NALCN: variants seen among roughly 807,000 people sequenced by gnomAD.
The protein encoded by NALCN is sodium leak channel NALCN.
A neutral mutation model predicts 225.3 loss-of-function variants in NALCN; 111 were observed. The observed-to-expected ratio is 0.49, with a 90% CI of 0.42 to 0.58. NALCN has a LOEUF of 0.58. Among genes scored for constraint, NALCN ranks in the 20% least tolerant of loss-of-function variants. The pLI, the probability that NALCN is intolerant of heterozygous loss-of-function variation, is 0.00. For missense variants in NALCN, 1,378 were observed against 2,202.4 expected, an observed-to-expected ratio of 0.63 and a Z score of 7.49; for synonymous variants, 764 against 769.0, an observed-to-expected ratio of 0.99 and a Z score of 0.11.
chr13:101,112,950 T>C (rs1036717825), intron 18 of NALCN, among the ~76,000 whole-genome samples: 2 of 152,126 alleles, frequency 1.3e-5, no homozygotes, highest in African/African-American at 2.4e-5. Flanking sequence ...TATTATATAG[T>C]AATACATTAT....
At chr13:101,369,463 G>A (rs2046477118) in intron 6 of NALCN, among the ~76,000 whole-genome samples, 2 of 152,122 alleles carry the variant, frequency 1.3e-5, no homozygotes, top group South Asian at 4.2e-4. Flanking sequence ...CAACTCTAGG[G>A]TCATGAGTTC....
At chr13:101,168,859 G>C (rs564785780) in intron 15 of NALCN, among the ~76,000 whole-genome samples, 1 of 151,996 alleles carries the variant, frequency 6.6e-6, no homozygotes, top group East Asian at 1.9e-4. Context: ...TCTTAGTGTC[G>C]AGAAAGCCAC....
chr13:101,366,974 C>T (rs2139384525), intron 6 of NALCN, among the ~76,000 whole-genome samples: 1 of 152,186 alleles, frequency 6.6e-6, no homozygotes, highest in East Asian at 1.9e-4. Context: ...CACCATTGTC[C>T]TCTCTACTTC....
At chr13:101,408,991 G>C (rs1456827422) in intron 1 of NALCN, among the ~76,000 whole-genome samples, 1 of 152,068 alleles carries the variant, frequency 6.6e-6, no homozygotes, top group Non-Finnish European at 1.5e-5. Flanking sequence ...TAAAACAGCA[G>C]GTTATTTTTC....
intron 7 of NALCN, among the ~76,000 whole-genome samples, chr13:101,320,676 G>C (rs780871838): frequency 6.6e-6 from 1 of 152,072 alleles, no homozygotes; most frequent in African/African-American, 2.4e-5. Context: ...CAGGTTCTTG[G>C]AATATGTCTC....
intron 39 of NALCN, among the ~76,000 whole-genome samples, chr13:101,066,308 CAAAA>C (rs72260451): frequency 1.6e-5 from 2 of 125,142 alleles, no homozygotes; most frequent in Non-Finnish European, 1.7e-5. Flanking sequence ...GACTCCATCT[CAAAA>C]AAAAAAAAAA....
At chr13:101,100,626 G>C (rs1410438678) in intron 27 of NALCN, among the ~76,000 whole-genome samples, 158 bp downstream of exon 27, 2 of 151,802 alleles carry the variant, frequency 1.3e-5, no homozygotes, top group Non-Finnish European at 2.9e-5. Context: ...TGTTGCCCAG[G>C]TTGGAGTACA....
chr13:101,389,725 G>C (rs1197931749), intron 3 of NALCN, among the ~76,000 whole-genome samples: 2 of 152,188 alleles, frequency 1.3e-5, no homozygotes, highest in Non-Finnish European at 2.9e-5. Context: ...ACAACAAGAA[G>C]AACAACCAAA....
chr13:101,361,862 T>G (rs2046260838), intron 6 of NALCN, among the ~76,000 whole-genome samples: 1 of 152,138 alleles, frequency 6.6e-6, no homozygotes, highest in African/African-American at 2.4e-5. Context: ...TTACATTTCT[T>G]TTAGACCCCC....
chr13:101,279,822 A>C (rs2043096626), intron 10 of NALCN, among the ~76,000 whole-genome samples: 1 of 137,636 alleles, frequency 7.3e-6, no homozygotes. Flanking sequence ...GTCTCAAAAA[A>C]TAAATAAATA....
intron 17 of NALCN, among the ~76,000 whole-genome samples, chr13:101,126,001 G>A (rs2139705411): frequency 6.6e-6 from 1 of 152,304 alleles, no homozygotes; most frequent in Middle Eastern, 3.4e-3. Flanking sequence ...AGATCACCTA[G>A]TTAGTTTCTT....
At chr13:101,114,953 A>G (rs1042578976) in intron 18 of NALCN, among the ~76,000 whole-genome samples, 4 of 152,146 alleles carry the variant, frequency 2.6e-5, no homozygotes, top group Admixed American at 2.6e-4. Flanking sequence ...GCCATGCTCC[A>G]AAGAGCTCTA....
intron 7 of NALCN, among the ~76,000 whole-genome samples, chr13:101,331,918 G>T (rs1470992337): frequency 6.6e-6 from 1 of 152,176 alleles, no homozygotes; most frequent in East Asian, 1.9e-4. Context: ...TGTGTCTGGG[G>T]AGGCACTGCT....
chr13:101,153,041 C>T (rs2037729325), intron 15 of NALCN, among the ~76,000 whole-genome samples: 1 of 151,960 alleles, frequency 6.6e-6, no homozygotes, highest in African/African-American at 2.4e-5. Context: ...CACATACACT[C>T]CCATGTAATT....
In NALCN at chr13:101,067,901, A is replaced by G; in HGVS notation, c.4446+17T>C. 6.4e-7 allele frequency: 1 copy of G among 1,551,402 alleles called. No individual in the cohort carries two copies. Among genetic ancestry groups the G allele is most frequent in the Non-Finnish European group, 8.9e-7 (1 of 1,125,454 alleles). ...TCTCTTTGAGGTGAGGCATGAAACA[A>G]CAACCCACTCCCATACCTCTCTTTT... On this transcript the variant is annotated intron_variant, in intron 39 of 43. Transcript: ENST00000251127.
At chr13:101,348,403 C>T (rs1475477897) in intron 6 of NALCN, among the ~76,000 whole-genome samples, 1 of 152,164 alleles carries the variant, frequency 6.6e-6, no homozygotes, top group African/African-American at 2.4e-5. Context: ...ATGTTACCTA[C>T]TGTTATTGAC....
chr13:101,058,118 T>C (rs1437707402), intron 42 of NALCN, 62 bp from the exon 43 acceptor site: 4 of 1,407,146 alleles, frequency 2.8e-6, no homozygotes, highest in Non-Finnish European at 3.9e-6. Flanking sequence ...CTCCTTTTAC[T>C]ATAAGAAAGG....
intron 11 of NALCN, among the ~76,000 whole-genome samples, chr13:101,250,903 GA>G (rs915388621): frequency 6.6e-5 from 10 of 151,272 alleles, no homozygotes; most frequent in African/African-American, 2.2e-4. Flanking sequence ...GACAGAATAC[GA>G]AAAAAAGGTC....
At chr13:101,346,269 C>T (rs887017710) in intron 6 of NALCN, among the ~76,000 whole-genome samples, 21 of 151,862 alleles carry the variant, frequency 1.4e-4, no homozygotes, top group African/African-American at 2.4e-4. Flanking sequence ...ATCACCATTA[C>T]GGTTTTTGCC....
Sources: allele counts gnomAD v4.1 joint callset (sites outside exome capture counted in the v4.1 genomes callset), GRCh38; gene constraint gnomAD v4.1.1; transcripts MANE v1.5; gene names NCBI Gene and HGNC (gene_info 2026-07-23, HGNC 2026-07-21).